ARHGAP26: variants seen among roughly 807,000 people sequenced by gnomAD.
ARHGAP26 encodes the protein Rho GTPase activating protein 26.
ARHGAP26 carries 38 observed loss-of-function variants against 104.8 expected under a neutral mutation model. The ratio of observed to expected loss-of-function variants is 0.36; its 90% CI spans 0.28 to 0.48. The LOEUF is 0.48. Ranked by LOEUF, ARHGAP26 falls within the 20% of genes least tolerant of loss-of-function variation. ARHGAP26 has a pLI of 0.99. For synonymous variants in ARHGAP26, 341 were observed against 340.0 expected, an observed-to-expected ratio of 1.00 and a Z score of -0.03; for missense variants, 704 against 947.9, an observed-to-expected ratio of 0.74 and a Z score of 3.38.
intron 11 of ARHGAP26, among the ~76,000 whole-genome samples, chr5:142,951,019 CT>C (rs1562140889): frequency 1.7e-4 from 25 of 145,884 alleles, no homozygotes; most frequent in Middle Eastern, 3.5e-3. Context: ...TTCCCTTTCC[CT>C]TTCTCTTTCC....
intron 10 of ARHGAP26, among the ~76,000 whole-genome samples, chr5:142,926,050 C>T (rs1410272782): frequency 1.3e-5 from 2 of 152,166 alleles, no homozygotes; most frequent in African/African-American, 4.8e-5. Context: ...CGTAGGAAAG[C>T]TGTCGAGTAA....
At chr5:143,019,999 C>A (rs1034249130) in intron 12 of ARHGAP26, among the ~76,000 whole-genome samples, 1 of 152,238 alleles carries the variant, frequency 6.6e-6, no homozygotes, top group Non-Finnish European at 1.5e-5. Context: ...CAGGACCTGG[C>A]TTAACACTGG....
At chr5:142,925,899 A>G (rs748013968) in intron 10 of ARHGAP26, among the ~76,000 whole-genome samples, 3 of 152,216 alleles carry the variant, frequency 2.0e-5, no homozygotes, top group Non-Finnish European at 4.4e-5. Context: ...TGATTTAGAA[A>G]GAACGGTACT....
intron 5 of ARHGAP26, among the ~76,000 whole-genome samples, chr5:142,893,348 T>C (rs995041300): frequency 1.3e-5 from 2 of 152,184 alleles, no homozygotes; most frequent in African/African-American, 4.8e-5. Context: ...TTTTAGCACC[T>C]ACATATGAAT....
At chr5:142,991,979 A>G (rs771524180) in intron 11 of ARHGAP26, among the ~76,000 whole-genome samples, 4 of 152,222 alleles carry the variant, frequency 2.6e-5, no homozygotes, top group African/African-American at 4.8e-5. Context: ...GCCTACATCT[A>G]TACTAGTTGC....
At chr5:143,219,555 T>G (rs1022352702) in intron 22 of ARHGAP26, among the ~76,000 whole-genome samples, 3 of 152,174 alleles carry the variant, frequency 2.0e-5, no homozygotes, top group African/African-American at 7.2e-5. Flanking sequence ...AGGGAGCAGG[T>G]AGAAGGGATT....
chr5:142,979,922 T>C (rs1014583410), intron 11 of ARHGAP26, among the ~76,000 whole-genome samples: 5 of 152,198 alleles, frequency 3.3e-5, no homozygotes, highest in Non-Finnish European at 7.3e-5. Context: ...CAGAGAGGAA[T>C]GTCACCTGGA....
At chr5:142,998,294 G>A (rs1391341147) in intron 11 of ARHGAP26, among the ~76,000 whole-genome samples, 2 of 152,188 alleles carry the variant, frequency 1.3e-5, no homozygotes, top group Non-Finnish European at 2.9e-5. Flanking sequence ...GGGCTGAGTA[G>A]TAGGGCCAAG....
At chr5:143,107,949 A>G (rs996308360) in intron 17 of ARHGAP26, among the ~76,000 whole-genome samples, 2 of 152,224 alleles carry the variant, frequency 1.3e-5, no homozygotes, top group Admixed American at 1.3e-4. Context: ...TTCCCTGACA[A>G]ATCTATTTTT....
chr5:143,113,456 G>A (rs1175432936), intron 17 of ARHGAP26, among the ~76,000 whole-genome samples: 1 of 152,104 alleles, frequency 6.6e-6, no homozygotes, highest in Non-Finnish European at 1.5e-5. Flanking sequence ...TGCATATATG[G>A]CCATAATTAT....
At chr5:143,094,239 C>T (rs1171848167) in intron 17 of ARHGAP26, among the ~76,000 whole-genome samples, 1 of 152,218 alleles carries the variant, frequency 6.6e-6, no homozygotes, top group East Asian at 1.9e-4. Context: ...TCCGGACCAC[C>T]AAGGAAATAC....
rs373583446 is a variant in ARHGAP26, at chr5:143,004,647, T to C, written c.1108-9433T>C. On this transcript the variant is annotated intron_variant, in intron 11 of 22. Transcript: ENST00000645722. ...CCTGGGGACTCCACCCTGACCTTCA[T>C]CTCTGTTCAGCACAATAAGATTTCC... 5.3e-5 allele frequency among the ~76,000 whole-genome samples: 8 copies of C among 152,302 alleles called. No homozygotes were observed. The South Asian group carries it at 1.7e-3, about 32-fold the overall frequency.
rs191549516 is a variant in ARHGAP26 at position 142,827,226 on chromosome 5, G to A, written c.155-46174G>A. Among the ~76,000 whole-genome samples the A allele has an allele frequency of 1.8e-4, 28 of 152,190 alleles. No homozygotes were observed. In the East Asian group the frequency reaches 5.2e-3, roughly 28 times the overall value. ...TTAAAGCCACCTCTGGTGTTGGCTG[G>A]CCTCCATGGTTGGTTGTGGCATGGC... On this transcript the variant is annotated intron_variant, in intron 1 of 22. Coordinates refer to ENST00000645722, the MANE Select transcript of ARHGAP26 (RefSeq NM_001135608.3).
intron 3 of ARHGAP26, among the ~76,000 whole-genome samples, chr5:142,876,059 C>A (rs181762252): frequency 6.6e-6 from 1 of 152,130 alleles, no homozygotes; most frequent in East Asian, 1.9e-4. Flanking sequence ...TGATATAGTT[C>A]AGCATTAGCA....
chr5:143,081,816 A>G (rs1359673231), intron 17 of ARHGAP26, among the ~76,000 whole-genome samples: 1 of 152,194 alleles, frequency 6.6e-6, no homozygotes, highest in Non-Finnish European at 1.5e-5. Context: ...GTTCGAGACC[A>G]TCCTGCCGAA....
At chr5:143,130,551 G>A (rs1369097501) in intron 18 of ARHGAP26, among the ~76,000 whole-genome samples, 1 of 152,170 alleles carries the variant, frequency 6.6e-6, no homozygotes, top group African/African-American at 2.4e-5. Context: ...TCATTCAGCA[G>A]GGTTGTTTGC....
chr5:143,012,540 T>TATATATACAC (rs1158338407), intron 11 of ARHGAP26, among the ~76,000 whole-genome samples: 2 of 41,070 alleles, frequency 4.9e-5, no homozygotes, highest in African/African-American at 1.6e-4. Context: ...GATATATTTA[T>TATATATACAC]ATACATACAT....
intron 1 of ARHGAP26, among the ~76,000 whole-genome samples, chr5:142,824,342 T>G (rs1766788495): frequency 6.6e-6 from 1 of 152,144 alleles, no homozygotes; most frequent in Non-Finnish European, 1.5e-5. Context: ...GAAGCATAGT[T>G]CCTGAGGGTC....
At chr5:143,082,981 A>G (rs982686057) in intron 17 of ARHGAP26, among the ~76,000 whole-genome samples, 2 of 152,236 alleles carry the variant, frequency 1.3e-5, no homozygotes, top group Admixed American at 1.3e-4. Flanking sequence ...TTAAGCAAAG[A>G]TTGTCACTGT....
Sources: allele counts gnomAD v4.1 joint callset (sites outside exome capture counted in the v4.1 genomes callset), GRCh38; gene constraint gnomAD v4.1.1; transcripts MANE v1.5; gene names NCBI Gene and HGNC (gene_info 2026-07-23, HGNC 2026-07-21).